PHF19: variants seen among roughly 807,000 people sequenced by gnomAD.
The protein encoded by PHF19 is PHD finger protein 19.
In PHF19, 21 loss-of-function variants were observed where a neutral mutation model predicts 79.8. That is an observed-to-expected ratio of 0.26 (90% CI 0.19 to 0.38). The LOEUF is 0.38. Ranked by LOEUF, PHF19 falls within the 10% of genes least tolerant of loss-of-function variation. The pLI is 1.00. For synonymous variants in PHF19, 273 were observed against 296.3 expected (o/e 0.92, Z 0.81); for missense variants, 445 against 744.2 (o/e 0.60, Z 4.68).
At chr9:120,859,132 C>G (rs2045440302) in intron 14 of PHF19, among the ~76,000 whole-genome samples, 1 of 151,338 alleles carries the variant, frequency 6.6e-6, no homozygotes, top group Non-Finnish European at 1.5e-5. Flanking sequence ...AACCAACAAA[C>G]AGGAAGAAAG....
intron 1 of PHF19, among the ~76,000 whole-genome samples, chr9:120,882,407 G>C (rs2046199390): frequency 6.9e-6 from 1 of 144,304 alleles, no homozygotes; most frequent in East Asian, 2.0e-4. Context: ...GATTTTCACT[G>C]TTACTTTTAA....
intron 1 of PHF19, chr9:120,894,723 C>T (rs966940498): frequency 2.4e-5 from 20 of 850,414 alleles, no homozygotes; most frequent in Middle Eastern, 4.1e-4. Flanking sequence ...CGGGCCCACC[C>T]GGCCGCCCGC....
At chr9:120,882,880 C>T (rs1406538874) in intron 1 of PHF19, among the ~76,000 whole-genome samples, 4 of 150,226 alleles carry the variant, frequency 2.7e-5, no homozygotes, top group Non-Finnish European at 5.9e-5. Flanking sequence ...GCTCTACACA[C>T]AAGAGGCTTT....
At chr9:120,887,900 G>A (rs1013845339) in intron 1 of PHF19, among the ~76,000 whole-genome samples, 23 of 152,218 alleles carry the variant, frequency 1.5e-4, no homozygotes, top group Non-Finnish European at 2.5e-4. Flanking sequence ...GGGACTGACC[G>A]ACCCACCTTC....
intron 1 of PHF19, chr9:120,894,718 C>G: frequency 1.3e-6 from 1 of 744,982 alleles, no homozygotes; most frequent in South Asian, 6.7e-5. Flanking sequence ...CGGCGCGGGC[C>G]CACCCGGCCG....
rs1240291207 is a variant in PHF19, at chr9:120,864,035, C to T, written c.968+14G>A. Reference sequence around the variant, plus strand: ...AGAGGGCCCCACCACACTCCCTCCCCTCCCTGCACGCACCGGCTTTTATAA... The same window carrying T: ...AGAGGGCCCCACCACACTCCCTCCCTTCCCTGCACGCACCGGCTTTTATAA... On this transcript the variant is annotated intron_variant, in intron 10 of 14. Transcript: ENST00000373896. 13 of 1,610,734 alleles carry T rather than the reference C, an allele frequency of 8.1e-6. No individual in the cohort carries two copies. Among genetic ancestry groups the T allele is most frequent in the Non-Finnish European group, 1.1e-5 (13 of 1,177,908 alleles).
chr9:120,873,403 A>G (rs924841750), intron 3 of PHF19, among the ~76,000 whole-genome samples: 1 of 152,110 alleles, frequency 6.6e-6, no homozygotes, highest in Non-Finnish European at 1.5e-5. Context: ...ATGATACCCA[A>G]CCCAGATTCA....
intron 1 of PHF19, 29 bp downstream of exon 1, chr9:120,877,062 G>C: frequency 2.0e-6 from 2 of 985,518 alleles, no homozygotes; most frequent in Non-Finnish European, 2.4e-6. Context: ...GAGCGTGGCG[G>C]GGAGTCCGCC....
chr9:120,880,489 G>A (rs1019681913), upstream of PHF19, among the ~76,000 whole-genome samples: 2 of 151,770 alleles, frequency 1.3e-5, no homozygotes, highest in East Asian at 2.0e-4. Context: ...GCGAGACTCC[G>A]TCTCAACAAA....
upstream of PHF19, among the ~76,000 whole-genome samples, chr9:120,896,905 C>T (rs1014047245): frequency 3.3e-5 from 5 of 152,214 alleles, no homozygotes; most frequent in African/African-American, 1.2e-4. Context: ...GTATAACACG[C>T]CCCCACTGAA....
intron 1 of PHF19, among the ~76,000 whole-genome samples, chr9:120,884,936 A>G (rs1192742919): frequency 6.6e-6 from 1 of 151,970 alleles, no homozygotes; most frequent in Non-Finnish European, 1.5e-5. Flanking sequence ...ATAAAAATTA[A>G]AAAAAGCCAA....
Position 120,866,905 on chromosome 9 carries a change from G to C in PHF19, c.675C>G (p.Thr225=). 1 of 1,611,650 alleles carries C rather than the reference G, an allele frequency of 6.2e-7. No individual in the cohort carries two copies. The highest frequency in any genetic ancestry group is 8.5e-7 in the Non-Finnish European group (1 of 1,177,758). ...RCRQWFHEAC[T]QCLNEPMMFG... is the part of the protein sequence containing the mutation. ...ACATCATGGGCTCATTGAGGCACTG[G>C]GTGCAGGCCTCGTGGAACCACTGCC... The change falls in exon 7 of 15, where the codon ACC becomes ACG. Residue 225 remains threonine (T), a synonymous_variant. Transcript: ENST00000373896. This position sits in a 1 kb window ranked among gnomAD's most constrained non-coding sequence, Gnocchi z 5.2.
the PHF19 span, among the ~76,000 whole-genome samples, chr9:120,901,245 T>G: frequency 5.1e-4 from 78 of 151,942 alleles, no homozygotes; most frequent in Non-Finnish European, 8.8e-4. Context: ...CAGGCTGGAG[T>G]GCAGTGGTGC....
rs895598221 is a variant in PHF19 at position 120,862,957 on chromosome 9, G to C, written c.969-208C>G. The C allele has an allele frequency of 3.5e-6, 2 of 569,630 alleles. No homozygotes were observed. The highest frequency in any genetic ancestry group is 3.0e-5 in the Admixed American group (1 of 32,940). 35.3% of individuals were successfully genotyped at this position (569,630 alleles called of 1,614,324 possible). On this transcript the variant is annotated intron_variant, in intron 10 of 14. Coordinates refer to ENST00000373896, the MANE Select transcript of PHF19 (RefSeq NM_015651.3). This position sits in a 1 kb window ranked among gnomAD's most constrained non-coding sequence, Gnocchi z 4.6. ...AACACGGCTGGTGCCTCCTCCCTGT[G>C]CTTCCTCCTGCATGAGTGTGGTTCT...
At position 120,862,058 on chromosome 9, in the gene PHF19, G is replaced by C; in HGVS notation, c.1131-53C>G. 1 of 1,391,468 alleles carries C rather than the reference G, an allele frequency of 7.2e-7. No individual in the cohort carries two copies. The highest frequency in any genetic ancestry group is 1.0e-6 in the Non-Finnish European group (1 of 976,916). The allele number at this position is 1,391,468 out of a possible 1,614,324, so 86.2% of individuals were successfully genotyped here. A position where few individuals can be genotyped will look rare whatever the true frequency, so the allele number is the denominator to read the frequency against. On this transcript the variant is annotated intron_variant, in intron 11 of 14. Coordinates refer to ENST00000373896, the MANE Select transcript of PHF19 (RefSeq NM_015651.3). This position sits in a 1 kb window ranked among gnomAD's most constrained non-coding sequence, Gnocchi z 4.6. ...GCCCCGTCAGAGCCTGAGGGCCCTA[G>C]GGTGGCCCAGAGGGAGGCGCCGCAG...
At chr9:120,872,128 G>A (rs1021816677) in intron 3 of PHF19, among the ~76,000 whole-genome samples, 2 of 150,946 alleles carry the variant, frequency 1.3e-5, no homozygotes, top group Non-Finnish European at 2.9e-5. Context: ...CATGTAACAG[G>A]TGTTCCAAGA....
chr9:120,863,894 G>A (rs1420046769), intron 10 of PHF19, among the ~76,000 whole-genome samples, 155 bp downstream of exon 10: 1 of 152,212 alleles, frequency 6.6e-6, no homozygotes, highest in Non-Finnish European at 1.5e-5. Flanking sequence ...TGCAAAGGAG[G>A]TGGGGTACCC....
Position 120,862,693 on chromosome 9 carries a change from C to T in PHF19, c.1025G>A (p.Arg342His). The change falls in exon 11 of 15, where the codon CGC (arginine) becomes CAC (histidine). Residue 342 changes from arginine to histidine, a missense_variant. Around this residue, in one of 5 missense-constraint regions of PHF19, gnomAD observed 83 missense variants for 85.5 expected, o/e 0.97. Coordinates refer to ENST00000373896, the MANE Select transcript of PHF19 (RefSeq NM_015651.3). This position sits in a 1 kb window ranked among gnomAD's most constrained non-coding sequence, Gnocchi z 4.6. ...KKKCIFRLRI[R>H]VPPNPPGKLL... Reference sequence around the variant, plus strand: ...CTTCCCTGGCGGGTTGGGTGGGACGCGGATGCGCAGGCGGAAGATGCACTT... The same window carrying T: ...CTTCCCTGGCGGGTTGGGTGGGACGTGGATGCGCAGGCGGAAGATGCACTT... 1.2e-6 allele frequency: 2 copies of T among 1,614,150 alleles called. No homozygotes were observed. Among genetic ancestry groups the T allele is most frequent in the Non-Finnish European group, 1.7e-6 (2 of 1,180,006 alleles).
chr9:120,891,296 T>C lies in PHF19; in HGVS notation c.42+3492A>G, dbSNP rs2046339757. ...TTCCCCTTCTTCTCCTCTCCTTCCC[T>C]CCCCTCCCCTCTCTGAGGAACTTGG... On this transcript the variant is annotated intron_variant, in intron 1 of 14. Coordinates refer to the PHF19 transcript ENST00000616568. The surrounding 1 kb of genome is among the most constrained non-coding windows in gnomAD (Gnocchi z 4.3). 6.9e-6 allele frequency among the ~76,000 whole-genome samples: 1 copy of C among 144,076 alleles called. No homozygotes were observed. Among genetic ancestry groups the C allele is most frequent in the African/African-American group, 2.6e-5 (1 of 38,832 alleles). 94.5% of individuals were successfully genotyped at this position (144,076 alleles called of 152,430 possible).
Sources: allele counts gnomAD v4.1 joint callset (sites outside exome capture counted in the v4.1 genomes callset), GRCh38; gene constraint gnomAD v4.1.1; regional missense constraint gnomAD v4.1.1; non-coding constraint Gnocchi (gnomAD v3.1); transcripts MANE v1.5; gene names NCBI Gene and HGNC (gene_info 2026-07-23, HGNC 2026-07-21).